The following CALN1 variants were observed in gnomAD, a reference collection of about 807,000 sequenced individuals.
The protein encoded by CALN1 is calcium-binding protein 8.
CALN1 carries 17 observed loss-of-function variants against 30.6 expected under a neutral mutation model. The observed-to-expected ratio is 0.56, with a 90% CI of 0.38 to 0.83. The LOEUF (loss-of-function observed/expected upper bound fraction) is 0.83. Among genes scored for constraint, CALN1 ranks in the 40% least tolerant of loss-of-function variants. The pLI is 0.00. For missense variants in CALN1, 291 were observed against 354.9 expected (o/e 0.82, Z 1.45); for synonymous variants, 156 against 131.4 (o/e 1.19, Z -1.28).
intron 3 of CALN1, among the ~76,000 whole-genome samples, chr7:72,239,349 T>C (rs1001603732): frequency 3.9e-5 from 6 of 152,070 alleles, no homozygotes; most frequent in Non-Finnish European, 5.9e-5. Flanking sequence ...TAAGCTATGA[T>C]TGCACCACCG....
At chr7:71,790,385 AAAGAAAGAAAGAAAGAAAGAAAG>A (rs1562780158) in intron 6 of CALN1, among the ~76,000 whole-genome samples, 7 of 78,742 alleles carry the variant, frequency 8.9e-5, no homozygotes, top group African/African-American at 3.2e-4. Context: ...AGAAAGAAAG[AAAGAAAGAAAGAAAGAAAGAAAG>A]AAAGAAAGAA....
chr7:71,808,703 C>T (rs978517577), intron 6 of CALN1, among the ~76,000 whole-genome samples: 1 of 152,118 alleles, frequency 6.6e-6, no homozygotes, highest in African/African-American at 2.4e-5. Context: ...ACTGATCCAC[C>T]AACAAAGGCT....
intron 5 of CALN1, among the ~76,000 whole-genome samples, chr7:71,829,413 T>G (rs761775469): frequency 9.2e-5 from 14 of 152,232 alleles, no homozygotes; most frequent in Non-Finnish European, 1.6e-4. Flanking sequence ...GATTACAGAC[T>G]TCTGACCTCC....
chr7:72,380,270 G>A (rs1027496480), intron 2 of CALN1, among the ~76,000 whole-genome samples: 10 of 152,120 alleles, frequency 6.6e-5, no homozygotes, highest in African/African-American at 2.4e-4. Flanking sequence ...TGGGGCCTAT[G>A]AGAAGACACT....
intron 2 of CALN1, among the ~76,000 whole-genome samples, chr7:72,321,450 T>C (rs185989628): frequency 3.2e-4 from 48 of 152,332 alleles, no homozygotes; most frequent in Non-Finnish European, 5.1e-4. Flanking sequence ...CCAAGAAATC[T>C]ATAGGTTACA....
chr7:72,198,941 A>G (rs1175513049), intron 3 of CALN1, among the ~76,000 whole-genome samples: 1 of 152,304 alleles, frequency 6.6e-6, no homozygotes, highest in South Asian at 2.1e-4. Flanking sequence ...TTAAGAAAGG[A>G]TCTGTCCAGA....
chr7:72,246,884 C>T (rs1211794540), intron 3 of CALN1, among the ~76,000 whole-genome samples: 14 of 151,398 alleles, frequency 9.2e-5, no homozygotes, highest in Non-Finnish European at 1.5e-5. Flanking sequence ...CCTCCCAAGT[C>T]GCTGGAATTA....
At chr7:72,302,925 A>AAAGG (rs1436812045) in intron 2 of CALN1, among the ~76,000 whole-genome samples, 2 of 149,270 alleles carry the variant, frequency 1.3e-5, no homozygotes, top group African/African-American at 2.5e-5. Context: ...AAACGAAAAG[A>AAAGG]ATCCGGGCCT....
chr7:72,059,152 G>A (rs1021190639), intron 4 of CALN1, among the ~76,000 whole-genome samples: 1 of 152,110 alleles, frequency 6.6e-6, no homozygotes, highest in African/African-American at 2.4e-5. Flanking sequence ...CTTTATCAAG[G>A]AAAATTAACA....
At chr7:72,279,703 G>C (rs1200220051) in intron 2 of CALN1, among the ~76,000 whole-genome samples, 1 of 152,208 alleles carries the variant, frequency 6.6e-6, no homozygotes, top group African/African-American at 2.4e-5. Flanking sequence ...ACAAGAAAGA[G>C]GAAAGGCAGA....
intron 2 of CALN1, among the ~76,000 whole-genome samples, chr7:72,337,402 G>A (rs1193428576): frequency 9.2e-6 from 1 of 108,378 alleles, no homozygotes; most frequent in Admixed American, 1.0e-4. Context: ...GCCTCGGCGC[G>A]CGCGCACTCA....
chr7:72,123,616 A>AT (rs1279014751), intron 3 of CALN1, among the ~76,000 whole-genome samples: 1 of 152,220 alleles, frequency 6.6e-6, no homozygotes, highest in African/African-American at 2.4e-5. Flanking sequence ...GGCTCACGGA[A>AT]GCTCAGGGGA....
At chr7:72,112,237 T>C (rs1448035786) in intron 3 of CALN1, among the ~76,000 whole-genome samples, 2 of 152,198 alleles carry the variant, frequency 1.3e-5, no homozygotes, top group Admixed American at 1.3e-4. Flanking sequence ...CCAGCATCGA[T>C]ATTAGTTGGC....
chr7:72,431,413 CAT>C lies in CALN1; in HGVS notation c.-226+15627_-226+15628del, dbSNP rs976939189. Among the ~76,000 whole-genome samples, 5 of 152,310 alleles carry C rather than the reference CAT, an allele frequency of 3.3e-5. No individual in the cohort carries two copies. In the Middle Eastern group the frequency reaches 0.01, roughly 311 times the overall value. ...GGCATTCCTCCAGCACACACGCACA[CAT>C]GTGTACACCCACATGCACACACGCA... On this transcript the variant is annotated intron_variant, in intron 1 of 6. Coordinates refer to the CALN1 transcript ENST00000395276.
chr7:72,220,788 G>A (rs1038275124), intron 3 of CALN1, among the ~76,000 whole-genome samples: 1 of 152,154 alleles, frequency 6.6e-6, no homozygotes, highest in African/African-American at 2.4e-5. Flanking sequence ...TTTCTCTGAT[G>A]GCCAGTGATG....
chr7:72,307,173 C>T (rs945134013), intron 2 of CALN1, among the ~76,000 whole-genome samples: 1 of 152,094 alleles, frequency 6.6e-6, no homozygotes, highest in Non-Finnish European at 1.5e-5. Context: ...GAGATTCAAG[C>T]AGAAAGGTAC....
intron 5 of CALN1, among the ~76,000 whole-genome samples, chr7:71,929,715 T>G (rs1283222276): frequency 6.6e-6 from 1 of 152,238 alleles, no homozygotes; most frequent in Non-Finnish European, 1.5e-5. Flanking sequence ...TTCTTGTATA[T>G]GGTTTTTGTG....
intron 3 of CALN1, among the ~76,000 whole-genome samples, chr7:72,138,423 G>A (rs762683414): frequency 8.5e-5 from 13 of 152,094 alleles, no homozygotes; most frequent in Admixed American, 5.2e-4. Context: ...GCATTTTCCC[G>A]ACGCCATCTG....
chr7:72,310,964 G>A (rs1371456697), intron 2 of CALN1, among the ~76,000 whole-genome samples: 2 of 151,170 alleles, frequency 1.3e-5, no homozygotes, highest in African/African-American at 4.9e-5. Context: ...TATATACGGT[G>A]GATCCTTAAA....
Sources: allele counts gnomAD v4.1 joint callset (sites outside exome capture counted in the v4.1 genomes callset), GRCh38; gene constraint gnomAD v4.1.1; transcripts MANE v1.5; gene names NCBI Gene and HGNC (gene_info 2026-07-23, HGNC 2026-07-21).